POTEI: variants seen among roughly 807,000 people sequenced by gnomAD.
POTEI encodes the protein POTE ankyrin domain family member I.
Under a neutral mutation model 43.4 loss-of-function variants are expected in POTEI, and 14 were observed. That is an observed-to-expected ratio of 0.32 (90% CI 0.21 to 0.50). POTEI has a LOEUF of 0.50. POTEI is among the 20% of genes least tolerant of loss of function. The pLI is 0.98. For missense variants in POTEI, 235 were observed against 795.4 expected (o/e 0.30, Z 8.47); for synonymous variants, 95 against 297.9 (o/e 0.32, Z 7.01).
chr2:130,463,812 C>A lies in POTEI; in HGVS notation c.2232G>T (p.Met744Ile). 2 of 1,536,718 alleles carry A rather than the reference C, an allele frequency of 1.3e-6. No homozygotes were observed. The highest frequency in any genetic ancestry group is 1.1e-5 in the South Asian group (1 of 87,198). ...AGGACTCTTTCTGATGCATGCCCCC[C>A]ATCATGCCCTGCTGCCTGGGGCGCC... ...IVGRPRQQGMMGGMHQKESYV... is the reference protein window; with the variant it reads ...IVGRPRQQGMIGGMHQKESYV... The change falls in exon 15 of 15, where the codon ATG becomes ATT. Residue 744 changes from methionine to isoleucine, a missense_variant. Transcript: ENST00000451531.
At chr2:130,483,670 C>T (rs1683478648) in intron 9 of POTEI, among the ~76,000 whole-genome samples, 1 of 138,626 alleles carries the variant, frequency 7.2e-6, no homozygotes, top group Admixed American at 7.4e-5. Flanking sequence ...TCTCGGCTCA[C>T]TGCAAGCTCC....
intron 10 of POTEI, among the ~76,000 whole-genome samples, chr2:130,477,488 C>T (rs1683241505): frequency 6.6e-6 from 1 of 150,834 alleles, no homozygotes; most frequent in Non-Finnish European, 1.5e-5. Context: ...CTTGATTTTG[C>T]ATGTCTTTCC....
intron 1 of POTEI, 151 bp downstream of exon 1, chr2:130,508,564 G>A: frequency 2.4e-6 from 1 of 422,096 alleles, no homozygotes; most frequent in East Asian, 5.0e-5. Flanking sequence ...TCATAAAGGG[G>A]CCTGTGCCCT....
chr2:130,477,602 G>A (rs1407265908), intron 10 of POTEI, among the ~76,000 whole-genome samples: 1 of 146,700 alleles, frequency 6.8e-6, no homozygotes, highest in Non-Finnish European at 1.5e-5. Context: ...CCACATGTCT[G>A]TCCCCTCTGC....
In POTEI at chr2:130,506,500, CT is replaced by C. The variant is rs1226803035; in HGVS notation, c.521+2214del. On this transcript the variant is annotated intron_variant, in intron 1 of 14. Coordinates refer to ENST00000451531, the MANE Select transcript of POTEI (RefSeq NM_001277406.2). Reference sequence around the variant, plus strand: ...GTGGATGGAAAACAGTATTTCATTCCTTTTTTTTTTTTTTTCTTTTTTTTTT... The same window carrying C: ...GTGGATGGAAAACAGTATTTCATTCCTTTTTTTTTTTTTTCTTTTTTTTTT... 5.1e-3 allele frequency among the ~76,000 whole-genome samples: 82 copies of C among 16,190 alleles called. 2 individuals carry two copies. Among genetic ancestry groups the C allele is most frequent in the African/African-American group, 0.014 (71 of 5,194 alleles). 10.6% of individuals were successfully genotyped at this position (16,190 alleles called of 152,430 possible).
rs1178365855 is a variant in POTEI, at chr2:130,461,271, C to A, written c.*1545G>T. 1 of 151,926 alleles carries A rather than the reference C, an allele frequency of 6.6e-6. No individual in the cohort carries two copies. The highest frequency in any genetic ancestry group is 2.4e-5 in the African/African-American group (1 of 41,244). The allele number at this position is 151,926 out of a possible 1,614,324, so 9.4% of individuals were successfully genotyped here. ...GGTCCGCCTCAGACACTCTGAAGCC[C>A]TAAGGCTGAAATGCCTGGGTCGCCC... is the stretch of plus-strand genomic sequence containing the variant. On this transcript the variant is annotated 3_prime_UTR_variant, in exon 15 of 15. Transcript: ENST00000451531.
At chr2:130,467,707 T>C (rs1164377502) in intron 13 of POTEI, among the ~76,000 whole-genome samples, 3 of 152,076 alleles carry the variant, frequency 2.0e-5, no homozygotes, top group Admixed American at 6.5e-5. Flanking sequence ...TTTTGAAAAT[T>C]ATGACGCTAA....
rs780297148 is a variant in POTEI at position 130,508,839 on chromosome 2, A to C, written c.397T>G (p.Tyr133Asp). The C allele has an allele frequency of 6.4e-7, 1 of 1,550,590 alleles. No homozygotes were observed. Among genetic ancestry groups the C allele is most frequent in the South Asian group, 1.1e-5 (1 of 86,958 alleles). ...YDDSAFVEPRYHVRREDLDKL... is the reference protein window; with the variant it reads ...YDDSAFVEPRDHVRREDLDKL... Reference sequence around the variant, plus strand: ...TCCAGATCTTCTCGACGGACGTGGTATCTCGGCTCCACGAAGGCGCTGTCG... The same window carrying C: ...TCCAGATCTTCTCGACGGACGTGGTCTCTCGGCTCCACGAAGGCGCTGTCG... The change falls in exon 1 of 15, where the codon TAC (tyrosine) becomes GAC (aspartate). Residue 133 changes from tyrosine to aspartate, a missense_variant. Tyr to Asp is a radical substitution (Grantham distance 160). Transcript: ENST00000451531.
At chr2:130,492,536 GC>G (rs1318937560) in intron 6 of POTEI, among the ~76,000 whole-genome samples, 1 of 124,284 alleles carries the variant, frequency 8.0e-6, no homozygotes, top group Non-Finnish European at 1.7e-5. Flanking sequence ...ATTTTAAGAT[GC>G]CTGGACATTA....
Position 130,461,511 on chromosome 2 carries a change from C to A in POTEI, c.*1305G>T, listed in dbSNP as rs1026783020. ...GTGCTGTGCTGAGGTACCTCTTCCA[C>A]CCCTTGTCAGCTTGGGCTCTCCAAA... is the stretch of plus-strand genomic sequence containing the variant. On this transcript the variant is annotated 3_prime_UTR_variant, in exon 15 of 15. Transcript: ENST00000451531. 1.3e-5 allele frequency: 2 copies of A among 152,270 alleles called. No homozygotes were observed. The highest frequency in any genetic ancestry group is 1.5e-5 in the Non-Finnish European group (1 of 68,078). The allele number at this position is 152,270 out of a possible 1,614,324, so 9.4% of individuals were successfully genotyped here.
At chr2:130,507,386 G>A (rs1357349478) in intron 1 of POTEI, among the ~76,000 whole-genome samples, 2 of 95,838 alleles carry the variant, frequency 2.1e-5, no homozygotes, top group African/African-American at 4.4e-5. Flanking sequence ...ATATACATAT[G>A]TATATATATG....
intron 10 of POTEI, among the ~76,000 whole-genome samples, chr2:130,480,531 T>C (rs1166871060): frequency 1.4e-5 from 2 of 145,310 alleles, no homozygotes; most frequent in African/African-American, 2.5e-5. Flanking sequence ...CACTCCATGT[T>C]CCTTCTGCCA....
chr2:130,468,703 TG>T (rs3050012), intron 13 of POTEI, among the ~76,000 whole-genome samples: 10,563 of 62,276 alleles, frequency 0.17, 66 homozygotes, highest in African/African-American at 0.32. Flanking sequence ...GCCAAACTAT[TG>T]GGGGGGGGGG....
rs550939621 is a variant in POTEI at position 130,483,420 on chromosome 2, C to T, written c.1410-1347G>A. 1.1e-3 allele frequency among the ~76,000 whole-genome samples: 144 copies of T among 135,002 alleles called. 3 individuals are homozygous for T. The highest frequency in any genetic ancestry group is 4.0e-3 in the African/African-American group (136 of 34,150). 88.6% of individuals were successfully genotyped at this position (135,002 alleles called of 152,430 possible). A position where few individuals can be genotyped will look rare whatever the true frequency, so the allele number is the denominator to read the frequency against. On this transcript the variant is annotated intron_variant, in intron 9 of 14. Coordinates refer to ENST00000451531, the MANE Select transcript of POTEI (RefSeq NM_001277406.2). ...TTTGCAATTCCTCTGACTCAGTTTA[C>T]CATAATTACAATTATGATTACTATT...
chr2:130,467,702 A>C (rs1396465010), intron 13 of POTEI, among the ~76,000 whole-genome samples: 1 of 152,132 alleles, frequency 6.6e-6, no homozygotes, highest in Non-Finnish European at 1.5e-5. Context: ...GAAAATTTTG[A>C]AAATTATGAC....
chr2:130,464,633 T>C (rs1226438010), intron 14 of POTEI, among the ~76,000 whole-genome samples: 1 of 151,456 alleles, frequency 6.6e-6, no homozygotes, highest in Non-Finnish European at 1.5e-5. Context: ...CTTAAAGTTC[T>C]TTTACTGAAG....
chr2:130,482,502 CAAAG>C (rs1683426317), intron 9 of POTEI, among the ~76,000 whole-genome samples: 1 of 150,390 alleles, frequency 6.6e-6, no homozygotes, highest in Non-Finnish European at 1.5e-5. Context: ...TTTAAATGCT[CAAAG>C]AAATAGTAAA....
chr2:130,484,277 C>T (rs2672110), intron 9 of POTEI, among the ~76,000 whole-genome samples: 28 of 149,088 alleles, frequency 1.9e-4, no homozygotes, highest in Middle Eastern at 3.5e-3. Context: ...GTTAACAGCG[C>T]TGATGTCAAG....
At chr2:130,507,400 A>G (rs1257011675) in intron 1 of POTEI, among the ~76,000 whole-genome samples, 4 of 6,822 alleles carry the variant, frequency 5.9e-4, no homozygotes, top group East Asian at 4.1e-3. Context: ...ATATATGTAT[A>G]TATGTGTATA....
Sources: allele counts gnomAD v4.1 joint callset (sites outside exome capture counted in the v4.1 genomes callset), GRCh38; gene constraint gnomAD v4.1.1; transcripts MANE v1.5; gene names NCBI Gene and HGNC (gene_info 2026-07-23, HGNC 2026-07-21).